KCNQ1: variants seen among roughly 807,000 people sequenced by gnomAD.
The protein encoded by KCNQ1 is potassium voltage-gated channel subfamily KQT member 1.
KCNQ1 carries 49 observed loss-of-function variants against 72.4 expected under a neutral mutation model. That is an observed-to-expected ratio of 0.68 (90% CI 0.54 to 0.86). The LOEUF is 0.86. KCNQ1 is among the 40% of genes least tolerant of loss of function. The probability of loss-of-function intolerance (pLI) is 0.00; values close to 1 mark genes in which losing one functional copy is unlikely to be tolerated. For missense variants in KCNQ1, 790 were observed against 945.1 expected, an observed-to-expected ratio of 0.84 and a Z score of 2.15; for synonymous variants, 450 against 412.6, an observed-to-expected ratio of 1.09 and a Z score of -1.10.
Position 2,769,506 on chromosome 11 carries a change from C to T in KCNQ1, c.1590+587C>T, listed in dbSNP as rs163158. Among the ~76,000 whole-genome samples the T allele has an allele frequency of 6.6e-6, 1 of 152,122 alleles. No homozygotes were observed. The highest frequency in any genetic ancestry group is 1.5e-5 in the Non-Finnish European group (1 of 68,008). Reference sequence around the variant, plus strand: ...TGCCCTAACTTCTCCAGGGGCATGTCCCCCCTACAGAAGCCCCTTAGAGCC... The same window carrying T: ...TGCCCTAACTTCTCCAGGGGCATGTTCCCCCTACAGAAGCCCCTTAGAGCC... On this transcript the variant is annotated intron_variant, in intron 12 of 15. Coordinates refer to ENST00000155840, the MANE Select transcript of KCNQ1 (RefSeq NM_000218.3). The surrounding 1 kb of genome is among the most constrained non-coding windows in gnomAD (Gnocchi z 4.6).
Position 2,663,016 on chromosome 11 carries a change from C to T in KCNQ1, c.1514+935C>T, listed in dbSNP as rs1344593244. On this transcript the variant is annotated intron_variant, in intron 11 of 15. Transcript: ENST00000155840. This position sits in a 1 kb window ranked among gnomAD's most constrained non-coding sequence, Gnocchi z 5.2. ...TGGCCTTGCAAATCACTGAGGAAAT[C>T]GGGACCCATGGTGCTGGGGGCTGCA... 20 of 398,602 alleles carry T rather than the reference C, an allele frequency of 5.0e-5. No homozygotes were observed. The highest frequency in any genetic ancestry group is 2.1e-4 in the East Asian group (6 of 28,076). 24.7% of individuals were successfully genotyped at this position (398,602 alleles called of 1,614,324 possible).
chr11:2,630,456 T>TG, intron 10 of KCNQ1: 1 of 398,362 alleles, frequency 2.5e-6, no homozygotes, highest in Admixed American at 4.4e-5. Context: ...CCTCTTTGTT[T>TG]GGGGGGAATA....
intron 2 of KCNQ1, among the ~76,000 whole-genome samples, chr11:2,568,730 C>T (rs543792680): frequency 6.6e-6 from 1 of 152,254 alleles, no homozygotes; most frequent in East Asian, 1.9e-4. Flanking sequence ...GTGGATAAGA[C>T]CAAGGTAGCC....
rs1338348826 is a variant in KCNQ1 at position 2,627,164 on chromosome 11, T to C, written c.1394-34797T>C. On this transcript the variant is annotated intron_variant, in intron 10 of 15. Coordinates refer to ENST00000155840, the MANE Select transcript of KCNQ1 (RefSeq NM_000218.3). The surrounding 1 kb of genome is among the most constrained non-coding windows in gnomAD (Gnocchi z 4.9). ...TGGTAAAGTTGGTTCCTAAGTTTGTTATTCTTGATGCTTTTTTCAGCTTTT... is the reference window on the plus strand; with the variant it reads ...TGGTAAAGTTGGTTCCTAAGTTTGTCATTCTTGATGCTTTTTTCAGCTTTT... 1 of 398,438 alleles carries C rather than the reference T, an allele frequency of 2.5e-6. No individual in the cohort carries two copies. Among genetic ancestry groups the C allele is most frequent in the African/African-American group, 2.1e-5 (1 of 48,624 alleles). The allele number at this position is 398,438 out of a possible 1,614,324, so 24.7% of individuals were successfully genotyped here.
chr11:2,585,167 G>T (rs980671213), intron 7 of KCNQ1, 45 bp from the exon 8 acceptor site: 1 of 1,532,658 alleles, frequency 6.5e-7, no homozygotes, highest in Non-Finnish European at 9.0e-7. Flanking sequence ...CACCCAGCTG[G>T]CAGTGGCCTG....
Position 2,626,230 on chromosome 11 carries a change from T to C in KCNQ1, c.1394-35731T>C, listed in dbSNP as rs1849260148. On this transcript the variant is annotated intron_variant, in intron 10 of 15. Transcript: ENST00000155840. This position sits in a 1 kb window ranked among gnomAD's most constrained non-coding sequence, Gnocchi z 4.0. The stretch of plus-strand genomic sequence containing the variant: ...ATTTTGAGTAAGTTTTTGTACACAG[T>C]GTTAGGTAAGGGTCTCAACTTCATT... 7.5e-6 allele frequency: 3 copies of C among 398,434 alleles called. No individual in the cohort carries two copies. Among genetic ancestry groups the C allele is most frequent in the Non-Finnish European group, 1.3e-5 (3 of 226,066 alleles). The allele number at this position is 398,434 out of a possible 1,614,324, so 24.7% of individuals were successfully genotyped here. A position where few individuals can be genotyped will look rare whatever the true frequency, so the allele number is the denominator to read the frequency against.
chr11:2,755,677 C>T (rs759905775), intron 11 of KCNQ1, among the ~76,000 whole-genome samples: 13 of 152,212 alleles, frequency 8.5e-5, no homozygotes, highest in Non-Finnish European at 1.3e-4. Context: ...TTCCATATAA[C>T]GTAACATATT....
chr11:2,514,822 T>C (rs898866928), intron 1 of KCNQ1, among the ~76,000 whole-genome samples: 5 of 152,150 alleles, frequency 3.3e-5, no homozygotes, highest in African/African-American at 1.2e-4. Context: ...CCAGACTCCG[T>C]CTCGAAAAGA....
At chr11:2,558,390 T>C (rs1848103386) in intron 2 of KCNQ1, among the ~76,000 whole-genome samples, 1 of 152,158 alleles carries the variant, frequency 6.6e-6, no homozygotes, top group South Asian at 2.1e-4. Context: ...CCTTGCCAGG[T>C]GATGGGTTGA....
intron 15 of KCNQ1, among the ~76,000 whole-genome samples, chr11:2,841,504 C>G (rs1848210271): frequency 6.6e-6 from 1 of 152,140 alleles, no homozygotes; most frequent in Non-Finnish European, 1.5e-5. Context: ...ATGCTCCAGA[C>G]CAGAGAGCCA....
At position 2,567,648 on chromosome 11, in the gene KCNQ1, A is replaced by C. The variant is rs1589954814; in HGVS notation, c.478-2980A>C. The stretch of plus-strand genomic sequence containing the variant: ...GGCTCTTTCCTGGCCTGCTAGCAGC[A>C]CCAGCCTAATTAACCTGACAAGCGG... On this transcript the variant is annotated intron_variant, in intron 2 of 15. Coordinates refer to ENST00000155840, the MANE Select transcript of KCNQ1 (RefSeq NM_000218.3). The surrounding 1 kb of genome is among the most constrained non-coding windows in gnomAD (Gnocchi z 6.6). 6.6e-6 allele frequency among the ~76,000 whole-genome samples: 1 copy of C among 152,202 alleles called. No homozygotes were observed. Among genetic ancestry groups the C allele is most frequent in the African/African-American group, 2.4e-5 (1 of 41,440 alleles).
intron 1 of KCNQ1, among the ~76,000 whole-genome samples, chr11:2,505,324 CA>C (rs1847085147): frequency 6.6e-6 from 1 of 152,110 alleles, no homozygotes; most frequent in African/African-American, 2.4e-5. Flanking sequence ...AAGCTTATCC[CA>C]TTATCGTTGG....
In KCNQ1 at chr11:2,769,610, G is replaced by A. The variant is rs1344044404; in HGVS notation, c.1590+691G>A. 6.6e-6 allele frequency among the ~76,000 whole-genome samples: 1 copy of A among 152,246 alleles called. No individual in the cohort carries two copies. The highest frequency in any genetic ancestry group is 1.9e-4 in the East Asian group (1 of 5,194). ...CCTGCCTTGGGGACATTCCTCGGAT[G>A]AAGGCGGTGGTGGGGGGTACTGAGT... On this transcript the variant is annotated intron_variant, in intron 12 of 15. Transcript: ENST00000155840. This position sits in a 1 kb window ranked among gnomAD's most constrained non-coding sequence, Gnocchi z 4.6.
rs557673827 is a variant in KCNQ1 at position 2,797,716 on chromosome 11, T to C, written c.1794+19679T>C. 6.6e-4 allele frequency among the ~76,000 whole-genome samples: 101 copies of C among 152,186 alleles called. 1 individual carries two copies. Among genetic ancestry groups the C allele is most frequent in the African/African-American group, 2.3e-3 (95 of 41,534 alleles). ...CCCGTACTTCCTCCATTCTGCCCCT[T>C]CTCAGGTGTGCGGGACCTTTTTACA... is the stretch of plus-strand genomic sequence containing the variant. On this transcript the variant is annotated intron_variant, in intron 15 of 15. Coordinates refer to ENST00000155840, the MANE Select transcript of KCNQ1 (RefSeq NM_000218.3).
In KCNQ1 at chr11:2,662,065, A is replaced by G. The variant is rs189794855; in HGVS notation, c.1498A>G (p.Ile500Val). The change falls in exon 11 of 16, where the codon ATC becomes GTC. Residue 500 changes from isoleucine (I) to valine (V), a missense_variant. Ile to Val is a conservative substitution (Grantham distance 29, BLOSUM62 3). Around this residue, in one of 5 missense-constraint regions of KCNQ1, gnomAD observed 178 missense variants for 177.9 expected, o/e 1.00. Coordinates refer to ENST00000155840, the MANE Select transcript of KCNQ1 (RefSeq NM_000218.3). ...DLEGETLLTP[I>V]THISQLREHH... The stretch of plus-strand genomic sequence containing the variant: ...GGAAGGGGAGACTCTGCTGACACCC[A>G]TCACCCACATCTCACAGTGAGTGCC... 9.3e-6 allele frequency: 15 copies of G among 1,614,086 alleles called. No individual in the cohort carries two copies. The highest frequency in any genetic ancestry group is 1.6e-4 in the Middle Eastern group (1 of 6,084).
intron 10 of KCNQ1, chr11:2,635,027 T>C (rs1005178828): frequency 1.1e-4 from 17 of 152,122 alleles, no homozygotes; most frequent in Admixed American, 6.6e-5. Flanking sequence ...TTTGATAGGG[T>C]TGTTTGTTTT....
intron 15 of KCNQ1, among the ~76,000 whole-genome samples, chr11:2,823,246 C>G (rs933974956): frequency 6.6e-6 from 1 of 152,144 alleles, no homozygotes; most frequent in Non-Finnish European, 1.5e-5. Context: ...ACAGATCAGT[C>G]TTTGGTAGAG....
chr11:2,836,510 C>T (rs549549419), intron 15 of KCNQ1, among the ~76,000 whole-genome samples: 1 of 152,318 alleles, frequency 6.6e-6, no homozygotes, highest in Admixed American at 6.5e-5. Flanking sequence ...GGGACCCCTC[C>T]CCCCGAACAC....
At chr11:2,798,549 G>GAA (rs34275888) in intron 15 of KCNQ1, among the ~76,000 whole-genome samples, 2 of 142,142 alleles carry the variant, frequency 1.4e-5, no homozygotes, top group Non-Finnish European at 1.6e-5. Flanking sequence ...CGAGTTCCCT[G>GAA]AAAAAAAAAA....
Sources: allele counts gnomAD v4.1 joint callset (sites outside exome capture counted in the v4.1 genomes callset), GRCh38; gene constraint gnomAD v4.1.1; regional missense constraint gnomAD v4.1.1; non-coding constraint Gnocchi (gnomAD v3.1); transcripts MANE v1.5; gene names NCBI Gene and HGNC (gene_info 2026-07-23, HGNC 2026-07-21).